DPP10: variants seen among roughly 807,000 people sequenced by gnomAD.
DPP10 encodes the protein inactive dipeptidyl peptidase 10.
DPP10 carries 33 observed loss-of-function variants against 120.9 expected under a neutral mutation model. The ratio of observed to expected loss-of-function variants is 0.27; its 90% confidence interval spans 0.21 to 0.37. DPP10 has a LOEUF of 0.37. DPP10 is among the 10% of genes least tolerant of loss of function. DPP10 has a pLI of 1.00. For missense variants in DPP10, 816 were observed against 942.8 expected (o/e 0.87, Z 1.76); for synonymous variants, 337 against 326.1 (o/e 1.03, Z -0.36).
chr2:114,672,685 C>T (rs994725735), intron 1 of DPP10, among the ~76,000 whole-genome samples: 1 of 151,980 alleles, frequency 6.6e-6, no homozygotes, highest in South Asian at 2.1e-4. Flanking sequence ...CATTTTTTTC[C>T]TCTAACATAA....
intron 1 of DPP10, among the ~76,000 whole-genome samples, chr2:115,217,775 A>T (rs1278158926): frequency 6.6e-6 from 1 of 152,106 alleles, no homozygotes; most frequent in Non-Finnish European, 1.5e-5. Flanking sequence ...TACACTGCTG[A>T]TTCACATCTT....
At chr2:115,783,844 T>C (rs1683045856) in intron 17 of DPP10, among the ~76,000 whole-genome samples, 1 of 152,136 alleles carries the variant, frequency 6.6e-6, no homozygotes, top group African/African-American at 2.4e-5. Flanking sequence ...GACAGTGCGT[T>C]AACATCTCAA....
intron 1 of DPP10, among the ~76,000 whole-genome samples, chr2:114,756,144 A>G (rs1679723641): frequency 6.6e-6 from 1 of 152,198 alleles, no homozygotes. Flanking sequence ...AGGAGATGAT[A>G]TGTAAAATGC....
At chr2:114,535,949 A>T (rs888650172) in intron 1 of DPP10, among the ~76,000 whole-genome samples, 7 of 152,070 alleles carry the variant, frequency 4.6e-5, no homozygotes, top group African/African-American at 1.7e-4. Context: ...GCAATTTCAT[A>T]CTGCTGTGCC....
intron 1 of DPP10, among the ~76,000 whole-genome samples, chr2:115,046,395 C>T (rs181108576): frequency 6.6e-6 from 1 of 152,264 alleles, no homozygotes; most frequent in African/African-American, 2.4e-5. Flanking sequence ...GATTCTTAGC[C>T]TTCACAACCC....
chr2:114,443,279 T>C (rs1267838202), intron 1 of DPP10, among the ~76,000 whole-genome samples: 3 of 152,164 alleles, frequency 2.0e-5, no homozygotes, highest in African/African-American at 7.2e-5. Context: ...TCATCCTTCA[T>C]TGTGAGCATT....
intron 3 of DPP10, among the ~76,000 whole-genome samples, chr2:115,458,951 A>G (rs17362497): frequency 0.013 from 2,035 of 152,272 alleles, 26 homozygotes; most frequent in Non-Finnish European, 0.023. Context: ...TTAAGGCACA[A>G]CATTTTCTTT....
chr2:114,518,779 G>A (rs1033033353), intron 1 of DPP10, among the ~76,000 whole-genome samples: 1 of 152,158 alleles, frequency 6.6e-6, no homozygotes, highest in Non-Finnish European at 1.5e-5. Context: ...TAAATATTAT[G>A]GTCATCATAG....
chr2:115,005,337 C>T (rs1052955155), intron 1 of DPP10, among the ~76,000 whole-genome samples: 2 of 152,152 alleles, frequency 1.3e-5, no homozygotes, highest in African/African-American at 4.8e-5. Flanking sequence ...AACGCAGCTC[C>T]TCACCAGCAA....
chr2:114,898,537 T>C (rs1047422037), intron 1 of DPP10, among the ~76,000 whole-genome samples: 7 of 151,898 alleles, frequency 4.6e-5, no homozygotes, highest in African/African-American at 7.3e-5. Context: ...TGGTAGGAAA[T>C]AAATAGTATA....
chr2:114,774,629 G>C (rs927254464), intron 1 of DPP10, among the ~76,000 whole-genome samples: 1 of 149,362 alleles, frequency 6.7e-6, no homozygotes, highest in Non-Finnish European at 1.5e-5. Flanking sequence ...CTGCAAAACA[G>C]AGATGACTAT....
At chr2:114,450,219 TAGC>T (rs1009039720) in intron 1 of DPP10, among the ~76,000 whole-genome samples, 10 of 152,142 alleles carry the variant, frequency 6.6e-5, no homozygotes, top group Non-Finnish European at 1.3e-4. Flanking sequence ...ATGGTTCTTT[TAGC>T]AAACTCCTAT....
chr2:114,842,066 T>C (rs1688202362), intron 1 of DPP10, among the ~76,000 whole-genome samples: 1 of 152,144 alleles, frequency 6.6e-6, no homozygotes, highest in South Asian at 2.1e-4. Flanking sequence ...TAATTATGTC[T>C]GGACCATAGT....
chr2:115,419,991 G>C (rs2069791054), intron 3 of DPP10, among the ~76,000 whole-genome samples: 1 of 151,958 alleles, frequency 6.6e-6, no homozygotes, highest in Admixed American at 6.6e-5. Flanking sequence ...CTTAACTGAG[G>C]GAAAAAATGT....
At chr2:114,532,527 A>G (rs1205590712) in intron 1 of DPP10, among the ~76,000 whole-genome samples, 1 of 151,846 alleles carries the variant, frequency 6.6e-6, no homozygotes, top group Non-Finnish European at 1.5e-5. Flanking sequence ...AGTGTCTTAG[A>G]AACTTTCTGT....
intron 7 of DPP10, among the ~76,000 whole-genome samples, chr2:115,697,858 G>A (rs191449822): frequency 3.7e-4 from 56 of 152,184 alleles, no homozygotes; most frequent in African/African-American, 1.2e-3. Context: ...GGTGGCGGGC[G>A]CCTGTAGTCC....
chr2:115,042,008 CTTTTTTTT>C (rs5833573), intron 1 of DPP10, among the ~76,000 whole-genome samples: 5 of 80,326 alleles, frequency 6.2e-5, no homozygotes, highest in East Asian at 4.2e-4. Context: ...TCTATCTTAT[CTTTTTTTT>C]TTTTTTTTTT....
At chr2:115,818,483 GGAAATTTAGAGA>G (rs1194375501) in intron 21 of DPP10, among the ~76,000 whole-genome samples, 4 of 152,112 alleles carry the variant, frequency 2.6e-5, no homozygotes, top group African/African-American at 7.2e-5. Context: ...AAACATTCAT[GGAAATTTAGAGA>G]AGATTCAAAG....
At chr2:115,760,946 A>C (rs1215010653) in intron 11 of DPP10, among the ~76,000 whole-genome samples, 1 of 151,920 alleles carries the variant, frequency 6.6e-6, no homozygotes, top group Non-Finnish European at 1.5e-5. Context: ...AAACTACAAA[A>C]ATTAGCCGGG....
Sources: allele counts gnomAD v4.1 joint callset (sites outside exome capture counted in the v4.1 genomes callset), GRCh38; gene constraint gnomAD v4.1.1; transcripts MANE v1.5; gene names NCBI Gene and HGNC (gene_info 2026-07-23, HGNC 2026-07-21).